Variants in CBLC observed in about 807,000 individuals in gnomAD.
The protein encoded by CBLC is E3 ubiquitin-protein ligase CBL-C.
In CBLC, 46 loss-of-function variants were observed where a neutral mutation model predicts 58.6. The ratio of observed to expected loss-of-function variants is 0.79; its 90% CI spans 0.62 to 1.00. CBLC has a LOEUF of 1.00. CBLC is among the 50% of genes least tolerant of loss of function. CBLC has a pLI of 0.00. For missense variants in CBLC, 655 were observed against 625.8 expected, an observed-to-expected ratio of 1.05 and a Z score of -0.50; for synonymous variants, 271 against 264.2, an observed-to-expected ratio of 1.03 and a Z score of -0.25.
intron 9 of CBLC, 28 bp downstream of exon 9, chr19:44,794,309 G>C: frequency 6.2e-7 from 1 of 1,608,418 alleles, no homozygotes; most frequent in Non-Finnish European, 8.5e-7. Context: ...CTGAGGTTGG[G>C]GGCTGGGGTC....
intron 2 of CBLC, 25 bp from the exon 3 acceptor site, chr19:44,781,182 T>A: frequency 6.3e-7 from 1 of 1,595,430 alleles, no homozygotes; most frequent in Non-Finnish European, 8.6e-7. Flanking sequence ...CTCAGCGGTG[T>A]CTCCCCCACC....
At chr19:44,798,638 CTCGCTTGATTA>C (rs1299650500) in intron 9 of CBLC, among the ~76,000 whole-genome samples, 15 of 152,124 alleles carry the variant, frequency 9.9e-5, no homozygotes, top group Admixed American at 8.5e-4. Context: ...TCGCTTGATT[CTCGCTTGATTA>C]TCGCTTCCGC....
At chr19:44,789,095 A>G (rs547625398) in intron 5 of CBLC, among the ~76,000 whole-genome samples, 2 of 152,266 alleles carry the variant, frequency 1.3e-5, no homozygotes, top group African/African-American at 2.4e-5. Context: ...GAAATGATCC[A>G]GGGGGAGACC....
At chr19:44,800,262 C>G in intron 9 of CBLC, 119 bp from the exon 10 acceptor site, 2 of 698,958 alleles carry the variant, frequency 2.9e-6, no homozygotes, top group Admixed American at 4.6e-5. Flanking sequence ...AGGAAGCCAC[C>G]TCCAGCCCCC....
At chr19:44,786,958 A>G (rs1182291199) in intron 5 of CBLC, among the ~76,000 whole-genome samples, 1 of 152,030 alleles carries the variant, frequency 6.6e-6, no homozygotes, top group East Asian at 1.9e-4. Flanking sequence ...ATGGTGGTGT[A>G]TGCCTATAAT....
In CBLC at chr19:44,800,303, A is replaced by G. The variant is rs941693771; in HGVS notation, c.1363-78A>G. ...GTCTGGGACTCCCAGGTCTAAGACA[A>G]AGGGGACAGGGAAGAGGGGCAGAGG... On this transcript the variant is annotated intron_variant, in intron 9 of 10. Coordinates refer to ENST00000647358, the MANE Select transcript of CBLC (RefSeq NM_012116.4). 3.8e-6 allele frequency: 4 copies of G among 1,048,618 alleles called. No homozygotes were observed. In the Admixed American group the frequency reaches 7.0e-5, roughly 18 times the overall value. The allele number at this position is 1,048,618 out of a possible 1,614,324, so 65.0% of individuals were successfully genotyped here.
At chr19:44,800,101 C>A (rs374390183) in intron 9 of CBLC, among the ~76,000 whole-genome samples, 12 of 152,324 alleles carry the variant, frequency 7.9e-5, no homozygotes, top group African/African-American at 2.9e-4. Context: ...CACTGTGTCA[C>A]CCCTGTCCAG....
intron 5 of CBLC, among the ~76,000 whole-genome samples, chr19:44,787,351 G>C (rs150107674): frequency 6.6e-6 from 1 of 152,004 alleles, no homozygotes; most frequent in Non-Finnish European, 1.5e-5. Context: ...CCGAGATCGC[G>C]CCACTGTACT....
chr19:44,799,797 A>AGAAG (rs777148717), intron 9 of CBLC, among the ~76,000 whole-genome samples: 1 of 151,394 alleles, frequency 6.6e-6, no homozygotes, highest in African/African-American at 2.4e-5. Context: ...GAAAAAAGAA[A>AGAAG]GAAGGAAGGA....
At position 44,782,410 on chromosome 19, in the gene CBLC, T is replaced by C; in HGVS notation, c.698T>C (p.Val233Ala). The change falls in exon 4 of 11, where the codon GTC becomes GCC. Residue 233 changes from valine (V) to alanine (A), a missense_variant. By Grantham distance (64) the Val-to-Ala change is moderately conservative. This residue lies in a region of CBLC where 371 missense variants were observed against 370.8 expected (regional missense o/e 1.00). Coordinates refer to ENST00000647358, the MANE Select transcript of CBLC (RefSeq NM_012116.4). Reference protein sequence around the residue: ...TLLKNWQLLAVNHPGYMAFLT... With the variant: ...TLLKNWQLLAANHPGYMAFLT... The stretch of plus-strand genomic sequence containing the variant: ...CTCAAGAACTGGCAGCTCCTGGCAG[T>C]CAACCACCCAGGCTACATGGCCTTC... 4 of 1,613,684 alleles carry C rather than the reference T, an allele frequency of 2.5e-6. No homozygotes were observed. The highest frequency in any genetic ancestry group is 3.4e-6 in the Non-Finnish European group (4 of 1,179,762).
chr19:44,798,657 C>T (rs944535449), intron 9 of CBLC, among the ~76,000 whole-genome samples: 2 of 152,064 alleles, frequency 1.3e-5, no homozygotes, highest in South Asian at 4.1e-4. Context: ...TTATCGCTTC[C>T]GCCAGGAGGT....
chr19:44,782,233 G>A lies in CBLC; in HGVS notation c.658-137G>A, dbSNP rs1042773328. 2.4e-6 allele frequency: 3 copies of A among 1,264,026 alleles called. No homozygotes were observed. In the African/African-American group the frequency reaches 4.5e-5, roughly 19 times the overall value. The allele number at this position is 1,264,026 out of a possible 1,614,324, so 78.3% of individuals were successfully genotyped here. A position where few individuals can be genotyped will look rare whatever the true frequency, so the allele number is the denominator to read the frequency against. On this transcript the variant is annotated intron_variant, in intron 3 of 10. Transcript: ENST00000647358. ...TGAGTTCTGGAGAAAGAAGAGCTTG[G>A]GGTCTTGTAAAAGGGATATGCCTGA...
At chr19:44,800,522 A>T in intron 10 of CBLC, 29 bp from the exon 11 acceptor site, 2 of 926,844 alleles carry the variant, frequency 2.2e-6, no homozygotes, top group African/African-American at 1.6e-5. Context: ...AGGTGACCTC[A>T]TCTAACCCAC....
chr19:44,780,638 A>G (rs1967697278), intron 1 of CBLC, among the ~76,000 whole-genome samples: 1 of 149,406 alleles, frequency 6.7e-6, no homozygotes, highest in Admixed American at 6.7e-5. Flanking sequence ...ACGCCAGGCT[A>G]ATTTTTGTAT....
Position 44,780,890 on chromosome 19 carries a change from T to G in CBLC, c.354-15T>G. 6.2e-7 allele frequency: 1 copy of G among 1,609,382 alleles called. No individual in the cohort carries two copies. The stretch of plus-strand genomic sequence containing the variant: ...GAGCCCCAAGGATAGCCAGAGTCCT[T>G]GCCCATCCCCACAGGCGACAGCTGG... On this transcript the variant is annotated splice_polypyrimidine_tract_variant and intron_variant, in intron 1 of 10. Coordinates refer to ENST00000647358, the MANE Select transcript of CBLC (RefSeq NM_012116.4).
intron 2 of CBLC, 77 bp downstream of exon 2, chr19:44,781,128 C>A: frequency 6.4e-7 from 1 of 1,574,706 alleles, no homozygotes. Flanking sequence ...AGGCCCACAG[C>A]TGCTTCTTTC....
chr19:44,784,494 G>A, intron 5 of CBLC, 93 bp downstream of exon 5: 1 of 1,292,188 alleles, frequency 7.7e-7, no homozygotes, highest in Non-Finnish European at 1.1e-6. Flanking sequence ...CCACGTTTGA[G>A]GGTGCAACCA....
intron 9 of CBLC, among the ~76,000 whole-genome samples, chr19:44,795,742 C>T (rs879756549): frequency 1.6e-4 from 24 of 152,124 alleles, no homozygotes; most frequent in Non-Finnish European, 3.2e-4. Flanking sequence ...TTGGTTTTGT[C>T]GGCTTTTATC....
intron 9 of CBLC, among the ~76,000 whole-genome samples, chr19:44,794,732 G>T (rs1020117474): frequency 6.6e-6 from 1 of 151,888 alleles, no homozygotes; most frequent in East Asian, 1.9e-4. Context: ...CACAGTGCGG[G>T]GATTACAGGA....
Sources: allele counts gnomAD v4.1 joint callset (sites outside exome capture counted in the v4.1 genomes callset), GRCh38; gene constraint gnomAD v4.1.1; regional missense constraint gnomAD v4.1.1; transcripts MANE v1.5; gene names NCBI Gene and HGNC (gene_info 2026-07-23, HGNC 2026-07-21).